FLVCR1: variants seen among roughly 807,000 people sequenced by gnomAD.
FLVCR1 encodes FLVCR choline and heme transporter 1.
In FLVCR1, 34 loss-of-function variants were observed where a neutral mutation model predicts 53.6. The observed-to-expected ratio is 0.63, with a 90% CI of 0.48 to 0.84. The LOEUF is 0.84. FLVCR1 is among the 40% of genes least tolerant of loss of function. The pLI, the probability that FLVCR1 is intolerant of heterozygous loss-of-function variation, is 0.00. For synonymous variants in FLVCR1, 300 were observed against 286.3 expected, an observed-to-expected ratio of 1.05 and a Z score of -0.48; for missense variants, 677 against 696.7, an observed-to-expected ratio of 0.97 and a Z score of 0.32.
At chr1:212,869,188 A>C (rs1254442535) in intron 2 of FLVCR1, among the ~76,000 whole-genome samples, 2 of 152,270 alleles carry the variant, frequency 1.3e-5, no homozygotes, top group African/African-American at 4.8e-5. Context: ...TGGCTACTTT[A>C]TAAGACTAAC....
chr1:212,874,526 CTTTTTTT>C (rs61497441), intron 3 of FLVCR1, among the ~76,000 whole-genome samples: 5 of 120,876 alleles, frequency 4.1e-5, no homozygotes, highest in Non-Finnish European at 3.4e-5. Context: ...TTCTTTTTTT[CTTTTTTT>C]TTTTTTTTTT....
At chr1:212,863,603 A>T (rs1664315586) in intron 1 of FLVCR1, 122 bp from the exon 2 acceptor site, 4 of 890,600 alleles carry the variant, frequency 4.5e-6, no homozygotes, top group Middle Eastern at 2.3e-4. Flanking sequence ...AAAAGAACAT[A>T]ATAGTTTAAT....
intron 8 of FLVCR1, among the ~76,000 whole-genome samples, chr1:212,892,469 G>A (rs1665217279): frequency 6.6e-6 from 1 of 152,316 alleles, no homozygotes; most frequent in African/African-American, 2.4e-5. Flanking sequence ...CCTGAACCCC[G>A]TAGTTGATAG....
At chr1:212,863,991 GC>G in intron 2 of FLVCR1, 122 bp downstream of exon 2, 1 of 791,884 alleles carries the variant, frequency 1.3e-6, no homozygotes, top group Non-Finnish European at 2.1e-6. Context: ...ATTCTTCCAT[GC>G]CCTGTCTTGC....
At chr1:212,894,786 G>A (rs530380597) in intron 8 of FLVCR1, among the ~76,000 whole-genome samples, 200 bp from the exon 9 acceptor site, 4 of 152,194 alleles carry the variant, frequency 2.6e-5, no homozygotes, top group East Asian at 1.9e-4. Flanking sequence ...TAGCATTCCC[G>A]TATTTGTTCA....
chr1:212,883,350 C>T, intron 3 of FLVCR1, 21 bp from the exon 4 acceptor site: 2 of 1,336,418 alleles, frequency 1.5e-6, no homozygotes, highest in Non-Finnish European at 2.1e-6. Flanking sequence ...GACTTAATAT[C>T]ATCTTTATTT....
intron 7 of FLVCR1, 24 bp downstream of exon 7, chr1:212,888,618 C>T (rs1665116847): frequency 7.1e-7 from 1 of 1,417,000 alleles, no homozygotes; most frequent in Non-Finnish European, 1.0e-6. Flanking sequence ...TTCTCTAAAC[C>T]TGAGATGATT....
At chr1:212,887,304 C>G (rs1251554601) in intron 5 of FLVCR1, among the ~76,000 whole-genome samples, 1 of 152,208 alleles carries the variant, frequency 6.6e-6, no homozygotes, top group African/African-American at 2.4e-5. Flanking sequence ...GATGTGTGTT[C>G]TTTGCCACTG....
chr1:212,872,334 A>G (rs1004021907), intron 2 of FLVCR1, among the ~76,000 whole-genome samples: 5 of 152,312 alleles, frequency 3.3e-5, no homozygotes, highest in East Asian at 3.9e-4. Context: ...GAATTGTTGA[A>G]TATTTAATGT....
At chr1:212,866,599 A>G (rs1412547299) in intron 2 of FLVCR1, among the ~76,000 whole-genome samples, 1 of 152,174 alleles carries the variant, frequency 6.6e-6, no homozygotes, top group Non-Finnish European at 1.5e-5. Flanking sequence ...TGCTACAAAT[A>G]AAAGATCTTT....
At chr1:212,861,568 G>C (rs565245681) in intron 1 of FLVCR1, among the ~76,000 whole-genome samples, 1 of 152,250 alleles carries the variant, frequency 6.6e-6, no homozygotes, top group Admixed American at 6.5e-5. Flanking sequence ...GGTCTCCCCA[G>C]TCTTGGCACT....
intron 3 of FLVCR1, among the ~76,000 whole-genome samples, chr1:212,883,050 C>T (rs1435419432): frequency 6.6e-6 from 1 of 152,184 alleles, no homozygotes; most frequent in African/African-American, 2.4e-5. Context: ...CAATCCATTG[C>T]TTGACTGGTT....
In FLVCR1 at chr1:212,858,398, G is replaced by A; in HGVS notation, c.-55G>A. 1 of 1,404,642 alleles carries A rather than the reference G, an allele frequency of 7.1e-7. No homozygotes were observed. The highest frequency in any genetic ancestry group is 9.3e-7 in the Non-Finnish European group (1 of 1,075,178). The allele number at this position is 1,404,642 out of a possible 1,614,324, so 87.0% of individuals were successfully genotyped here. A position where few individuals can be genotyped will look rare whatever the true frequency, so the allele number is the denominator to read the frequency against. On this transcript the variant is annotated 5_prime_UTR_variant, in exon 1 of 10. Transcript: ENST00000366971. ...GAGGACCTCGGGCTGTGGGCCGGGA[G>A]AGCGGAGTCGGGGAGTGGGGCGGGG...
At chr1:212,887,314 G>C (rs779945007) in intron 5 of FLVCR1, among the ~76,000 whole-genome samples, 2 of 152,210 alleles carry the variant, frequency 1.3e-5, no homozygotes, top group Non-Finnish European at 2.9e-5. Context: ...CTTTGCCACT[G>C]TGGCTTCCTT....
intron 1 of FLVCR1, among the ~76,000 whole-genome samples, chr1:212,859,666 G>A (rs3768549): frequency 0.023 from 3,491 of 152,002 alleles, 63 homozygotes; most frequent in South Asian, 0.041. Context: ...TGCAGTGAGC[G>A]GAGATTGCAC....
intron 3 of FLVCR1, among the ~76,000 whole-genome samples, chr1:212,876,284 G>A (rs923169751): frequency 6.6e-6 from 1 of 151,930 alleles, no homozygotes; most frequent in East Asian, 1.9e-4. Context: ...AGAACATGTT[G>A]TGGTTGGTTT....
intron 2 of FLVCR1, among the ~76,000 whole-genome samples, chr1:212,866,030 G>A (rs1664413137): frequency 9.9e-6 from 1 of 101,418 alleles, no homozygotes; most frequent in Admixed American, 8.9e-5. Flanking sequence ...TGTCAGCCAG[G>A]CTGGAGTGCA....
In FLVCR1 at chr1:212,858,584, G is replaced by A. The variant is rs763075011; in HGVS notation, c.132G>A (p.Ala44=). 1.7e-5 allele frequency: 25 copies of A among 1,500,928 alleles called. No homozygotes were observed. The South Asian group carries it at 3.1e-4, about 19-fold the overall frequency. 93.0% of individuals were successfully genotyped at this position (1,500,928 alleles called of 1,614,324 possible). A position where few individuals can be genotyped will look rare whatever the true frequency, so the allele number is the denominator to read the frequency against. ...TGGAGCTGCAGAACGGGCCCAAAGC[G>A]GGCACCTTCCCGGTGAATGGGGCCC... The part of the protein sequence containing the change: ...ESVELQNGPK[A]GTFPVNGAPR... The change falls in exon 1 of 10, where the codon GCG becomes GCA. Residue 44 remains alanine (A), a synonymous_variant. Transcript: ENST00000366971.
chr1:212,881,470 C>G (rs1664929108), intron 3 of FLVCR1, among the ~76,000 whole-genome samples: 1 of 152,012 alleles, frequency 6.6e-6, no homozygotes, highest in Non-Finnish European at 1.5e-5. Flanking sequence ...TCCCCAGTAG[C>G]TGGGACTACA....
Sources: gnomAD v4.1 joint callset for allele counts (sites outside exome capture counted in the v4.1 genomes callset) on GRCh38, gnomAD v4.1.1 for gene constraint, MANE v1.5 for transcripts, NCBI Gene and HGNC (gene_info 2026-07-23, HGNC 2026-07-21) for gene names.